The following SLC35D4 variants were observed in gnomAD, a reference collection of about 807,000 sequenced individuals.
The protein encoded by SLC35D4 is solute carrier family 35 member D4.
the SLC35D4 span, among the ~76,000 whole-genome samples, chr18:23,372,722 G>A: frequency 3.9e-5 from 6 of 152,110 alleles, no homozygotes; most frequent in East Asian, 1.2e-3. Flanking sequence ...CCTGTATCTC[G>A]AGGACAGAGC....
At chr18:23,352,871 G>A in the SLC35D4 span, among the ~76,000 whole-genome samples, 1 of 152,196 alleles carries the variant, frequency 6.6e-6, no homozygotes, top group Admixed American at 6.5e-5. Context: ...ATCCCCACTC[G>A]AGAACCTGAG....
the SLC35D4 span, chr18:23,384,900 G>A: frequency 8.8e-7 from 1 of 1,140,722 alleles, no homozygotes; most frequent in Non-Finnish European, 1.3e-6. Context: ...GGCAGGAAGA[G>A]GCAGACACTA....
the SLC35D4 span, chr18:23,368,577 A>G: frequency 1.7e-6 from 1 of 604,966 alleles, no homozygotes. Context: ...GGTCTCCTCA[A>G]CTCTGTCATC....
the SLC35D4 span, chr18:23,253,795 G>A: frequency 6.2e-7 from 1 of 1,614,232 alleles, no homozygotes; most frequent in Admixed American, 1.7e-5. Context: ...CGGTGGCCAT[G>A]GCCTTCGTCT....
At chr18:23,285,447 C>T in the SLC35D4 span, among the ~76,000 whole-genome samples, 1 of 152,124 alleles carries the variant, frequency 6.6e-6, no homozygotes, top group African/African-American at 2.4e-5. Flanking sequence ...GACAGTAGTT[C>T]CAAATAGCCA....
the SLC35D4 span, among the ~76,000 whole-genome samples, chr18:23,434,619 C>T: frequency 5.6e-4 from 85 of 152,028 alleles, no homozygotes; most frequent in Middle Eastern, 3.4e-3. Flanking sequence ...GGCAAAACTT[C>T]GTCTCTATTA....
the SLC35D4 span, among the ~76,000 whole-genome samples, chr18:23,254,614 A>G: frequency 6.6e-6 from 1 of 152,176 alleles, no homozygotes; most frequent in Admixed American, 6.5e-5. Context: ...TGTATTTCTC[A>G]TAGTTTTGGA....
chr18:23,300,688 G>T, the SLC35D4 span, among the ~76,000 whole-genome samples: 1 of 152,198 alleles, frequency 6.6e-6, no homozygotes, highest in Non-Finnish European at 1.5e-5. Context: ...AATCTTAATA[G>T]CATTACAACT....
At chr18:23,287,542 C>CT in the SLC35D4 span, among the ~76,000 whole-genome samples, 1 of 152,216 alleles carries the variant, frequency 6.6e-6, no homozygotes, top group Non-Finnish European at 1.5e-5. Flanking sequence ...ACTAATCTCC[C>CT]AAACCCCAAT....
At chr18:23,291,502 G>T in the SLC35D4 span, among the ~76,000 whole-genome samples, 2 of 152,248 alleles carry the variant, frequency 1.3e-5, no homozygotes, top group Non-Finnish European at 2.9e-5. Context: ...CACTGACTGA[G>T]GTCACCTGAT....
the SLC35D4 span, among the ~76,000 whole-genome samples, chr18:23,304,478 A>G: frequency 2.1e-5 from 3 of 145,602 alleles, no homozygotes; most frequent in South Asian, 4.4e-4. Flanking sequence ...ATGTAAAACA[A>G]GAATTATATA....
the SLC35D4 span, among the ~76,000 whole-genome samples, chr18:23,325,506 A>G: frequency 6.6e-6 from 1 of 152,166 alleles, no homozygotes; most frequent in Admixed American, 6.5e-5. Context: ...GTGCGTGATC[A>G]GTTGCACACT....
the SLC35D4 span, among the ~76,000 whole-genome samples, chr18:23,303,676 G>A: frequency 5.9e-5 from 9 of 152,204 alleles, no homozygotes; most frequent in East Asian, 1.2e-3. Flanking sequence ...TGAGGTGGGC[G>A]GATCACTTGA....
the SLC35D4 span, among the ~76,000 whole-genome samples, chr18:23,411,395 CAGAG>C: frequency 7.1e-6 from 1 of 140,548 alleles, no homozygotes; most frequent in Non-Finnish European, 1.5e-5. Flanking sequence ...GAAGGGAAGG[CAGAG>C]AGAAGGGAAT....
chr18:23,410,804 A>C, the SLC35D4 span, among the ~76,000 whole-genome samples: 1 of 152,338 alleles, frequency 6.6e-6, no homozygotes, highest in Non-Finnish European at 1.5e-5. Flanking sequence ...TCTCAAAAAC[A>C]AAAAGAAAAA....
the SLC35D4 span, among the ~76,000 whole-genome samples, chr18:23,429,424 TCAGCTCACTCCAACCTC>T: frequency 4.6e-5 from 7 of 152,068 alleles, no homozygotes; most frequent in African/African-American, 1.2e-4. Flanking sequence ...CGGTGCAATC[TCAGCTCACTCCAACCTC>T]CAGCTCACTC....
chr18:23,282,353 T>A, the SLC35D4 span, among the ~76,000 whole-genome samples: 1 of 152,136 alleles, frequency 6.6e-6, no homozygotes, highest in Non-Finnish European at 1.5e-5. Flanking sequence ...TAGGTTTATA[T>A]GCCATTGTTT....
At chr18:23,304,333 C>A in the SLC35D4 span, among the ~76,000 whole-genome samples, 2 of 142,240 alleles carry the variant, frequency 1.4e-5, no homozygotes, top group Admixed American at 7.1e-5. Flanking sequence ...GTTAAGGATA[C>A]AGAAATTTGG....
At chr18:23,322,594 G>C in the SLC35D4 span, among the ~76,000 whole-genome samples, 1 of 152,200 alleles carries the variant, frequency 6.6e-6, no homozygotes, top group African/African-American at 2.4e-5. Flanking sequence ...TGCTGAAATG[G>C]AGTTTCACAG....
Sources: allele counts gnomAD v4.1 joint callset (sites outside exome capture counted in the v4.1 genomes callset), GRCh38; gene constraint gnomAD v4.1.1; transcripts MANE v1.5; gene names NCBI Gene and HGNC (gene_info 2026-07-23, HGNC 2026-07-21).